Variants in ADAMTSL1 observed in about 807,000 individuals in gnomAD.
ADAMTSL1 encodes ADAMTS-like protein 1.
Under a neutral mutation model 201.8 loss-of-function variants are expected in ADAMTSL1, and 126 were observed. The ratio of observed to expected loss-of-function variants is 0.62; its 90% CI spans 0.54 to 0.72. The LOEUF (loss-of-function observed/expected upper bound fraction) is 0.72. Ranked by LOEUF, ADAMTSL1 falls within the 30% of genes least tolerant of loss-of-function variation. The pLI is 0.00. For synonymous variants in ADAMTSL1, 1,121 were observed against 903.4 expected (o/e 1.24, Z -4.32); for missense variants, 2,679 against 2,277.8 (o/e 1.18, Z -3.59).
chr9:17,952,400 T>C (rs562060410), intron 1 of ADAMTSL1, among the ~76,000 whole-genome samples: 2 of 152,280 alleles, frequency 1.3e-5, no homozygotes, highest in South Asian at 4.1e-4. Flanking sequence ...TGTTTACATC[T>C]AGTTGATTTT....
chr9:18,643,864 G>A (rs1371154377), intron 7 of ADAMTSL1, among the ~76,000 whole-genome samples: 1 of 151,366 alleles, frequency 6.6e-6, no homozygotes. Context: ...GCTATTTGGG[G>A]TATTTTGTGG....
At chr9:18,211,180 A>C (rs184346295) in intron 2 of ADAMTSL1, among the ~76,000 whole-genome samples, 1 of 152,286 alleles carries the variant, frequency 6.6e-6, no homozygotes, top group East Asian at 1.9e-4. Flanking sequence ...CACAGTCGCC[A>C]GTTTTCACAC....
intron 26 of ADAMTSL1, among the ~76,000 whole-genome samples, chr9:18,900,882 A>G (rs973281957): frequency 3.3e-5 from 5 of 152,190 alleles, no homozygotes; most frequent in African/African-American, 1.2e-4. Context: ...CCACCATGGC[A>G]CAAATCTGCA....
intron 7 of ADAMTSL1, among the ~76,000 whole-genome samples, chr9:18,642,483 A>G (rs1172912456): frequency 6.6e-6 from 1 of 152,012 alleles, no homozygotes; most frequent in East Asian, 1.9e-4. Context: ...AATACAATAC[A>G]TTGTTATTAA....
chr9:18,182,632 T>C (rs905280320), intron 2 of ADAMTSL1, among the ~76,000 whole-genome samples: 1 of 152,170 alleles, frequency 6.6e-6, no homozygotes, highest in Non-Finnish European at 1.5e-5. Context: ...GTAGTGATAA[T>C]AATAGTGATG....
intron 3 of ADAMTSL1, among the ~76,000 whole-genome samples, chr9:18,539,325 C>G (rs1010624671): frequency 1.3e-5 from 2 of 152,138 alleles, no homozygotes; most frequent in African/African-American, 4.8e-5. Context: ...GACAAATACA[C>G]AAACACAAAA....
intron 2 of ADAMTSL1, among the ~76,000 whole-genome samples, chr9:18,396,937 G>A (rs1469943115): frequency 1.3e-5 from 2 of 152,088 alleles, no homozygotes; most frequent in Non-Finnish European, 2.9e-5. Flanking sequence ...AGAAATGTAT[G>A]CCTTGGTTCT....
chr9:18,494,742 A>G (rs1262096287), intron 1 of ADAMTSL1, among the ~76,000 whole-genome samples: 3 of 152,246 alleles, frequency 2.0e-5, no homozygotes, highest in Non-Finnish European at 2.9e-5. Context: ...ATTTGATAAA[A>G]GCTATAAATC....
At chr9:18,076,725 C>G (rs1273627816) in intron 1 of ADAMTSL1, among the ~76,000 whole-genome samples, 1 of 151,938 alleles carries the variant, frequency 6.6e-6, no homozygotes, top group Non-Finnish European at 1.5e-5. Flanking sequence ...GGCTGGGAGA[C>G]AGGATTTTGT....
chr9:18,018,391 C>T (rs1413216924), intron 1 of ADAMTSL1, among the ~76,000 whole-genome samples: 1 of 152,036 alleles, frequency 6.6e-6, no homozygotes, highest in African/African-American at 2.4e-5. Context: ...TCTGTAATCC[C>T]TTCTGAAATG....
chr9:17,960,020 C>T (rs75916682), intron 1 of ADAMTSL1, among the ~76,000 whole-genome samples: 2,959 of 152,222 alleles, frequency 0.019, 118 homozygotes, highest in African/African-American at 0.068. Flanking sequence ...GTGACTTAAA[C>T]GTTATATAAA....
intron 5 of ADAMTSL1, among the ~76,000 whole-genome samples, chr9:18,624,683 C>G (rs755271670): frequency 2.0e-5 from 3 of 152,126 alleles, no homozygotes; most frequent in Non-Finnish European, 2.9e-5. Flanking sequence ...TCTTACCCTA[C>G]TGTTAGGGAG....
chr9:18,282,635 C>T (rs189390871), intron 2 of ADAMTSL1, among the ~76,000 whole-genome samples: 3 of 152,282 alleles, frequency 2.0e-5, no homozygotes, highest in Admixed American at 6.5e-5. Context: ...CAGTGGCTCA[C>T]GCCTGTAATC....
chr9:18,854,307 C>A (rs1003037548), intron 23 of ADAMTSL1, among the ~76,000 whole-genome samples: 2 of 152,038 alleles, frequency 1.3e-5, no homozygotes, highest in Admixed American at 6.6e-5. Flanking sequence ...TTAATACAAC[C>A]GTAGGTTCCC....
chr9:18,681,849 T>C lies in ADAMTSL1; in HGVS notation c.1379T>C (p.Val460Ala), dbSNP rs1564146238. The C allele has an allele frequency of 6.2e-7, 1 of 1,613,860 alleles. No individual in the cohort carries two copies. The highest frequency in any genetic ancestry group is 8.5e-7 in the Non-Finnish European group (1 of 1,179,862). Residue 460 changes from valine to alanine, a missense_variant, in exon 12 of 29, where the codon GTG becomes GCG. Val to Ala is a moderately conservative substitution (Grantham distance 64). Transcript: ENST00000380548. The part of the protein sequence containing the change: ...VTCGQGLRYR[V>A]VLCIDHRGMH... ...TGTGGCCAGGGCCTCAGATACCGTG[T>C]GGTCCTCTGCATCGACCATCGAGGA... is the stretch of plus-strand genomic sequence containing the variant.
chr9:18,334,762 G>C (rs1284175320), intron 2 of ADAMTSL1, among the ~76,000 whole-genome samples: 1 of 152,062 alleles, frequency 6.6e-6, no homozygotes, highest in Non-Finnish European at 1.5e-5. Context: ...ATAGAATAAA[G>C]ACTTCTCTCT....
chr9:18,677,898 C>T (rs1830217854), intron 10 of ADAMTSL1, among the ~76,000 whole-genome samples: 1 of 152,024 alleles, frequency 6.6e-6, no homozygotes, highest in Non-Finnish European at 1.5e-5. Context: ...TAAATGGAAA[C>T]TATTTTTACA....
chr9:18,035,269 C>T (rs76649668), intron 1 of ADAMTSL1, among the ~76,000 whole-genome samples: 67 of 152,274 alleles, frequency 4.4e-4, no homozygotes, highest in African/African-American at 1.5e-3. Context: ...GCCTGTTAGG[C>T]ATATTTATGC....
chr9:18,392,373 T>A (rs73643259), intron 2 of ADAMTSL1, among the ~76,000 whole-genome samples: 4,075 of 152,228 alleles, frequency 0.027, 190 homozygotes, highest in African/African-American at 0.093. Context: ...GTGCGGTAGG[T>A]TGTTTAAAAA....
Sources: allele counts gnomAD v4.1 joint callset (sites outside exome capture counted in the v4.1 genomes callset), GRCh38; gene constraint gnomAD v4.1.1; transcripts MANE v1.5; gene names NCBI Gene and HGNC (gene_info 2026-07-23, HGNC 2026-07-21).